Variants in SRSF5 observed in about 807,000 individuals in gnomAD.
SRSF5 encodes serine/arginine-rich splicing factor 5.
SRSF5 carries 5 observed loss-of-function variants against 34.0 expected under a neutral mutation model. That is an observed-to-expected ratio of 0.15 (90% CI 0.08 to 0.31). SRSF5 has a LOEUF of 0.31. SRSF5 is among the 10% of genes least tolerant of loss of function. SRSF5 has a pLI of 1.00. For missense variants in SRSF5, 223 were observed against 351.4 expected (o/e 0.63, Z 2.92); for synonymous variants, 164 against 117.7 (o/e 1.39, Z -2.55).
chr14:69,770,424 C>G (rs776568556), intron 5 of SRSF5, 43 bp from the exon 6 acceptor site: 3 of 1,602,486 alleles, frequency 1.9e-6, no homozygotes, highest in Non-Finnish European at 2.6e-6. Flanking sequence ...GTTTGTGTGT[C>G]CCCTTTCCTC....
At position 69,771,410 on chromosome 14, in the gene SRSF5, C is replaced by T. The variant is rs780541123; in HGVS notation, c.768C>T (p.Arg256=). The T allele has an allele frequency of 2.5e-6, 4 of 1,614,076 alleles. No homozygotes were observed. In the African/African-American group the frequency reaches 4.0e-5, roughly 16 times the overall value. ...CTAAGTCTCCAGCATCTGTGGATCG[C>T]CAGAGGTCCCGGTCCCGATCAAGGT... is the stretch of plus-strand genomic sequence containing the variant. ...SRSKSPASVD[R]QRSRSRSRSR... is the part of the protein sequence containing the mutation. The change falls in exon 8 of 8, where the codon CGC becomes CGT. Residue 256 remains arginine, a synonymous_variant. Transcript: ENST00000557154.
At chr14:69,769,563 C>G (rs991440190) in intron 5 of SRSF5, 9 of 1,535,244 alleles carry the variant, frequency 5.9e-6, no homozygotes, top group African/African-American at 4.1e-5. Context: ...TTATCCTAAT[C>G]GTTGTCTTGG....
chr14:69,767,476 G>A (rs979897801), intron 1 of SRSF5: 1 of 455,916 alleles, frequency 2.2e-6, no homozygotes, highest in Non-Finnish European at 4.4e-6. Flanking sequence ...CACAGCGGTT[G>A]TGCGCCCGTC....
At chr14:69,769,829 C>A in intron 5 of SRSF5, 1 of 1,308,056 alleles carries the variant, frequency 7.6e-7, no homozygotes, top group South Asian at 2.1e-5. Flanking sequence ...GAATCCTGAT[C>A]GCAGTAAAGT....
chr14:69,767,487 C>G (rs139164757), intron 1 of SRSF5: 2 of 455,862 alleles, frequency 4.4e-6, no homozygotes. Context: ...TGCGCCCGTC[C>G]CTGCCAGTCT....
In SRSF5 at chr14:69,768,663, C is replaced by T; in HGVS notation, c.186C>T (p.Leu62=). Residue 62 remains leucine (L), a synonymous_variant, in exon 3 of 8, where the codon CTC becomes CTT. Transcript: ENST00000557154. ...TGTATGAGCTTGATGGAAAAGAACT[C>T]TGTAGTGAAAGGTGAGATTCCTGTG... ...DAVYELDGKE[L]CSERVTIEHA... is the part of the protein sequence containing the mutation. The T allele has an allele frequency of 6.2e-7, 1 of 1,614,132 alleles. No individual in the cohort carries two copies. The highest frequency in any genetic ancestry group is 8.5e-7 in the Non-Finnish European group (1 of 1,179,986).
rs1207159174 is a variant in SRSF5, at chr14:69,769,582, G to T, written c.366+331G>T. 2.0e-6 allele frequency: 3 copies of T among 1,535,306 alleles called. No homozygotes were observed. In the African/African-American group the frequency reaches 4.1e-5, roughly 21 times the overall value. On this transcript the variant is annotated intron_variant, in intron 5 of 7. Coordinates refer to ENST00000557154, the MANE Select transcript of SRSF5 (RefSeq NM_001320214.2). The stretch of plus-strand genomic sequence containing the variant: ...CCTAATCGTTGTCTTGGTCACTCTT[G>T]GTTGGGCCTGGTTGACTTTGCCAGT...
chr14:69,768,473 T>C (rs1018062870), intron 2 of SRSF5, 131 bp from the exon 3 acceptor site: 59 of 1,195,438 alleles, frequency 4.9e-5, no homozygotes, highest in Non-Finnish European at 7.1e-5. Flanking sequence ...AGTGGCTCCT[T>C]GATTAGGTTT....
At chr14:69,767,687 G>T (rs957866673) in intron 1 of SRSF5, 13 of 364,560 alleles carry the variant, frequency 3.6e-5, no homozygotes, top group African/African-American at 2.4e-4. Context: ...CCATTTTGTG[G>T]CCGCAGAGCG....
rs1883035900 is a variant in SRSF5, at chr14:69,770,209, T to A, written c.367-258T>A. 8 of 1,214,066 alleles carry A rather than the reference T, an allele frequency of 6.6e-6. No homozygotes were observed. In the South Asian group the frequency reaches 2.0e-4, roughly 30 times the overall value. The allele number at this position is 1,214,066 out of a possible 1,614,324, so 75.2% of individuals were successfully genotyped here. On this transcript the variant is annotated intron_variant, in intron 5 of 7. Transcript: ENST00000557154. The stretch of plus-strand genomic sequence containing the variant: ...TGTTTTTTTTTCTTTTGTACTGAGC[T>A]CAGCATAGACTAATACTACCTTAAT...
In SRSF5 at chr14:69,771,185, T is replaced by A; in HGVS notation, c.552-9T>A. 6.2e-7 allele frequency: 1 copy of A among 1,613,864 alleles called. No individual in the cohort carries two copies. ...CTTATCTAGGCTGATTTCTTTTCAT[T>A]TTTCATAGTAGGTCAAGAAGCAGGT... On this transcript the variant is annotated splice_polypyrimidine_tract_variant and intron_variant, in intron 7 of 7. Transcript: ENST00000557154.
In SRSF5 at chr14:69,768,237, T is replaced by C. The variant is rs959933577; in HGVS notation, c.81T>C (p.Tyr27=). ...ACGTGGAAAGATTCTTCAAGGGATATGGACGGATAAGAGATATTGATCTGA... is the reference window on the plus strand; with the variant it reads ...ACGTGGAAAGATTCTTCAAGGGATACGGACGGATAAGAGATATTGATCTGA... The part of the protein sequence containing the change: ...EKDVERFFKG[Y]GRIRDIDLKR... Residue 27 remains tyrosine, a synonymous_variant, in exon 2 of 8, where the codon TAT becomes TAC. Transcript: ENST00000557154. 3 of 1,614,118 alleles carry C rather than the reference T, an allele frequency of 1.9e-6. No homozygotes were observed. Among genetic ancestry groups the C allele is most frequent in the East Asian group, 2.2e-5 (1 of 44,906 alleles).
At chr14:69,769,316 ATGT>A (rs962331076) in intron 5 of SRSF5, 65 bp downstream of exon 5, 286 of 1,597,976 alleles carry the variant, frequency 1.8e-4, no homozygotes, top group Middle Eastern at 1.7e-4. Flanking sequence ...TGGGTAGCTA[ATGT>A]TGTATTGTTT....
At chr14:69,769,625 A>G in intron 5 of SRSF5, 1 of 1,534,954 alleles carries the variant, frequency 6.5e-7, no homozygotes, top group Non-Finnish European at 8.7e-7. Context: ...TACAGTGATC[A>G]GTTGGCCACC....
rs1883038357 is a variant in SRSF5, at chr14:69,770,228, C to T, written c.367-239C>T. On this transcript the variant is annotated intron_variant, in intron 5 of 7. Transcript: ENST00000557154. ...CTGAGCTCAGCATAGACTAATACTA[C>T]CTTAATGTTAAAATCTGAATTTCTT... 3.1e-6 allele frequency: 4 copies of T among 1,289,974 alleles called. No homozygotes were observed. In the South Asian group the frequency reaches 5.5e-5, roughly 18 times the overall value. 79.9% of individuals were successfully genotyped at this position (1,289,974 alleles called of 1,614,324 possible).
At chr14:69,767,985 C>A in intron 1 of SRSF5, 153 bp from the exon 2 acceptor site, 1 of 778,502 alleles carries the variant, frequency 1.3e-6, no homozygotes, top group Non-Finnish European at 2.0e-6. Flanking sequence ...ATTTTGTCTG[C>A]AGGTAACCTG....
chr14:69,768,364 G>A, intron 2 of SRSF5, 82 bp downstream of exon 2: 2 of 1,566,056 alleles, frequency 1.3e-6, no homozygotes, highest in South Asian at 1.1e-5. Flanking sequence ...GAGTCCGGGT[G>A]GAATATTTGC....
chr14:69,768,712 G>T, intron 3 of SRSF5, 38 bp downstream of exon 3: 1 of 1,608,506 alleles, frequency 6.2e-7, no homozygotes, highest in Admixed American at 1.7e-5. Context: ...CTGGGACATA[G>T]AGCAGACTGG....
Position 69,768,411 on chromosome 14 carries a change from T to A in SRSF5, c.126+129T>A. ...GTTACCCAGCCTTATGTCTGAATTTTATTGAGGCTGAAAACAACTTTAACT... is the reference window on the plus strand; with the variant it reads ...GTTACCCAGCCTTATGTCTGAATTTAATTGAGGCTGAAAACAACTTTAACT... On this transcript the variant is annotated intron_variant, in intron 2 of 7. Transcript: ENST00000557154. 1.4e-6 allele frequency: 2 copies of A among 1,413,294 alleles called. 1 individual carries two copies. Among genetic ancestry groups the A allele is most frequent in the South Asian group, 2.6e-5 (2 of 77,772 alleles). 87.5% of individuals were successfully genotyped at this position (1,413,294 alleles called of 1,614,324 possible). A position where few individuals can be genotyped will look rare whatever the true frequency, so the allele number is the denominator to read the frequency against.
Sources: allele counts gnomAD v4.1 joint callset, GRCh38; gene constraint gnomAD v4.1.1; transcripts MANE v1.5; gene names NCBI Gene and HGNC (gene_info 2026-07-23, HGNC 2026-07-21).